CNTN3: variants seen among roughly 807,000 people sequenced by gnomAD.
CNTN3 encodes contactin 3.
A neutral mutation model predicts 119.1 loss-of-function variants in CNTN3; 60 were observed. That is an observed-to-expected ratio of 0.50 (90% CI 0.41 to 0.62). The LOEUF (loss-of-function observed/expected upper bound fraction) is 0.62, where lower values mean the gene tolerates loss of function less well. Ranked by LOEUF, CNTN3 falls within the 20% of genes least tolerant of loss-of-function variation. CNTN3 has a pLI of 0.00. For synonymous variants in CNTN3, 450 were observed against 438.7 expected, an observed-to-expected ratio of 1.03 and a Z score of -0.32; for missense variants, 1,101 against 1,242.4, an observed-to-expected ratio of 0.89 and a Z score of 1.71.
At chr3:74,573,531 T>C (rs1299664913) in intron 1 of CNTN3, among the ~76,000 whole-genome samples, 1 of 152,104 alleles carries the variant, frequency 6.6e-6, no homozygotes, top group Non-Finnish European at 1.5e-5. Flanking sequence ...ACAAAATATT[T>C]GTAAACCAAG....
chr3:74,395,115 C>T lies in CNTN3; in HGVS notation c.455-23716G>A, dbSNP rs543322380. 5.3e-5 allele frequency among the ~76,000 whole-genome samples: 8 copies of T among 152,074 alleles called. No homozygotes were observed. The South Asian group carries it at 1.7e-3, about 32-fold the overall frequency. On this transcript the variant is annotated intron_variant, in intron 5 of 22. Transcript: ENST00000263665. ...CACATGACTAGAGTATTTATTGCTTCCCTACAATGTCTTTTGCTGTTTCTC... is the reference window on the plus strand; with the variant it reads ...CACATGACTAGAGTATTTATTGCTTTCCTACAATGTCTTTTGCTGTTTCTC...
intron 5 of CNTN3, among the ~76,000 whole-genome samples, chr3:74,417,662 A>G (rs1220007297): frequency 6.6e-6 from 1 of 152,228 alleles, no homozygotes; most frequent in East Asian, 1.9e-4. Flanking sequence ...CAGGATTTTC[A>G]TCTCCATTTC....
chr3:74,413,020 G>A (rs1189522914), intron 5 of CNTN3, among the ~76,000 whole-genome samples: 1 of 152,172 alleles, frequency 6.6e-6, no homozygotes, highest in Admixed American at 6.6e-5. Flanking sequence ...ATTATTATTT[G>A]CTGCTCCTCT....
intron 19 of CNTN3, among the ~76,000 whole-genome samples, chr3:74,285,791 A>ATATG (rs1491357533): frequency 3.7e-3 from 30 of 8,108 alleles, no homozygotes; most frequent in Non-Finnish European, 4.7e-3. Flanking sequence ...TGAAGGGGAG[A>ATATG]TATATATATA....
intron 4 of CNTN3, among the ~76,000 whole-genome samples, chr3:74,473,292 A>T (rs1014115656): frequency 6.6e-6 from 1 of 152,102 alleles, no homozygotes; most frequent in African/African-American, 2.4e-5. Context: ...GTAATCTAAT[A>T]AAATCCTTTT....
intron 4 of CNTN3, among the ~76,000 whole-genome samples, chr3:74,471,736 G>A (rs990773634): frequency 2.6e-5 from 4 of 152,178 alleles, no homozygotes; most frequent in African/African-American, 9.7e-5. Context: ...TTTCACTTCT[G>A]CCTTTAAGGT....
rs552271147 is a variant in CNTN3 at position 74,391,965 on chromosome 3, C to T, written c.455-20566G>A. Among the ~76,000 whole-genome samples, 3 of 152,186 alleles carry T rather than the reference C, an allele frequency of 2.0e-5. No individual in the cohort carries two copies. The South Asian group carries it at 6.2e-4, about 32-fold the overall frequency. On this transcript the variant is annotated intron_variant, in intron 5 of 22. Coordinates refer to ENST00000263665, the MANE Select transcript of CNTN3 (RefSeq NM_020872.3). ...GAGCCACAGCACCCAGACTCCCACA[C>T]TTAGAGTCTTAAGTAAGACATTGTC...
At chr3:74,364,398 A>T in intron 10 of CNTN3, 69 bp downstream of exon 10, 1 of 1,452,782 alleles carries the variant, frequency 6.9e-7, no homozygotes, top group Non-Finnish European at 9.5e-7. Context: ...AGTAAATATT[A>T]CTGCTTCTGG....
chr3:74,295,291 C>T, intron 18 of CNTN3, 55 bp from the exon 19 acceptor site: 2 of 926,268 alleles, frequency 2.2e-6, no homozygotes, highest in South Asian at 1.5e-5. Flanking sequence ...TAGTTTAAAA[C>T]ACAGATTAAT....
At chr3:74,311,836 G>A (rs138640831) in intron 13 of CNTN3, among the ~76,000 whole-genome samples, 83 of 152,240 alleles carry the variant, frequency 5.5e-4, no homozygotes, top group Non-Finnish European at 9.3e-4. Flanking sequence ...TAGGACAAAC[G>A]GCTTCCCCTT....
At chr3:74,472,754 T>C (rs1702588311) in intron 4 of CNTN3, among the ~76,000 whole-genome samples, 1 of 152,206 alleles carries the variant, frequency 6.6e-6, no homozygotes, top group Admixed American at 6.5e-5. Context: ...GCTTTAAATT[T>C]AACTTGGTTT....
chr3:74,581,502 T>C (rs937907657), intron 1 of CNTN3, among the ~76,000 whole-genome samples: 2 of 152,236 alleles, frequency 1.3e-5, no homozygotes, highest in African/African-American at 4.8e-5. Flanking sequence ...AGAGATGCTA[T>C]GTTCATTGAG....
rs1460447517 is a variant in CNTN3, at chr3:74,499,704, A to G, written c.137T>C (p.Ile46Thr). 1 of 1,611,590 alleles carries G rather than the reference A, an allele frequency of 6.2e-7. No individual in the cohort carries two copies. Among genetic ancestry groups the G allele is most frequent in the Non-Finnish European group, 8.5e-7 (1 of 1,178,470 alleles). ...GCCTCTTGCTTCACAATGCAAAGTT[A>G]TTTTTTTATCTTCTGAACCAACAGG... ...IFPVGSEDKK[I>T]TLHCEARGNP... The change falls in exon 3 of 23, where the codon ATA (isoleucine) becomes ACA (threonine). Residue 46 changes from isoleucine to threonine, a missense_variant. Ile to Thr is a moderately conservative substitution (Grantham distance 89, BLOSUM62 -1). Coordinates refer to ENST00000263665, the MANE Select transcript of CNTN3 (RefSeq NM_020872.3).
chr3:74,523,816 TAAACTCTTATAAATAAG>T (rs1703577533), intron 1 of CNTN3, among the ~76,000 whole-genome samples: 1 of 151,932 alleles, frequency 6.6e-6, no homozygotes, highest in Non-Finnish European at 1.5e-5. Flanking sequence ...GAGAATATTA[TAAACTCTTATAAATAAG>T]GAGTAAATTA....
intron 1 of CNTN3, among the ~76,000 whole-genome samples, chr3:74,528,204 A>G (rs80145498): frequency 0.12 from 18,416 of 151,816 alleles, 1,445 homozygotes; most frequent in Non-Finnish European, 0.17. Flanking sequence ...TCAATGGAAA[A>G]TTATTCCAGA....
chr3:74,560,988 G>A (rs1380414917), intron 1 of CNTN3, among the ~76,000 whole-genome samples: 1 of 131,830 alleles, frequency 7.6e-6, no homozygotes, highest in Admixed American at 9.3e-5. Flanking sequence ...AGAACACTTG[G>A]ACACAGGGTG....
chr3:74,583,353 T>C (rs1704544718), intron 1 of CNTN3, among the ~76,000 whole-genome samples: 1 of 151,630 alleles, frequency 6.6e-6, no homozygotes, highest in African/African-American at 2.4e-5. Flanking sequence ...TTATGATCTA[T>C]CCCTAAAATG....
At chr3:74,463,030 T>C (rs1399281944) in intron 4 of CNTN3, among the ~76,000 whole-genome samples, 2 of 152,178 alleles carry the variant, frequency 1.3e-5, no homozygotes, top group African/African-American at 2.4e-5. Context: ...AGCATGTCTT[T>C]ATGTCCCTCA....
chr3:74,391,293 A>C (rs764883248), intron 5 of CNTN3, among the ~76,000 whole-genome samples: 2 of 150,688 alleles, frequency 1.3e-5, no homozygotes, highest in Non-Finnish European at 3.0e-5. Context: ...GTTACTAGTA[A>C]ATGTTTGTTT....
Sources: allele counts gnomAD v4.1 joint callset (sites outside exome capture counted in the v4.1 genomes callset), GRCh38; gene constraint gnomAD v4.1.1; transcripts MANE v1.5; gene names NCBI Gene and HGNC (gene_info 2026-07-23, HGNC 2026-07-21).